The following HNRNPL variants were observed in gnomAD, a reference collection of about 807,000 sequenced individuals.
HNRNPL encodes the protein heterogeneous nuclear ribonucleoprotein L.
A neutral mutation model predicts 64.0 loss-of-function variants in HNRNPL; 12 were observed. The observed-to-expected ratio is 0.19, with a 90% CI of 0.12 to 0.30. HNRNPL has a LOEUF of 0.30. Ranked by LOEUF, HNRNPL falls within the 10% of genes least tolerant of loss-of-function variation. The pLI, the probability that HNRNPL is intolerant of heterozygous loss-of-function variation, is 1.00. For synonymous variants in HNRNPL, 385 were observed against 313.0 expected, an observed-to-expected ratio of 1.23 and a Z score of -2.43; for missense variants, 484 against 797.4, an observed-to-expected ratio of 0.61 and a Z score of 4.73.
chr19:38,851,181 A>T (rs1028992392), upstream of HNRNPL: 8 of 152,474 alleles, frequency 5.2e-5, no homozygotes, highest in East Asian at 1.4e-3. Context: ...CCCCCTGCAC[A>T]GGGGAGGCGT....
At chr19:38,849,103 C>T (rs183783573) in intron 1 of HNRNPL, among the ~76,000 whole-genome samples, 15 of 152,386 alleles carry the variant, frequency 9.8e-5, no homozygotes, top group Admixed American at 5.2e-4. Context: ...GTGATGGTTT[C>T]AAGGCTTCGC....
intron 1 of HNRNPL, among the ~76,000 whole-genome samples, chr19:38,848,603 C>A (rs1242298723): frequency 6.6e-6 from 1 of 152,212 alleles, no homozygotes; most frequent in Non-Finnish European, 1.5e-5. Context: ...GAATTGGATT[C>A]TATTTCAGGA....
chr19:38,845,541 G>C, intron 4 of HNRNPL, 109 bp downstream of exon 4: 3 of 850,066 alleles, frequency 3.5e-6, no homozygotes, highest in African/African-American at 1.7e-5. Flanking sequence ...TCTGGCACAT[G>C]GCAGCCACTC....
chr19:38,840,717 C>A (rs891003922), intron 6 of HNRNPL, 158 bp from the exon 7 acceptor site: 2 of 654,040 alleles, frequency 3.1e-6, no homozygotes, highest in East Asian at 5.8e-5. Flanking sequence ...TGACCTACGG[C>A]GGGCATGAAG....
At chr19:38,849,386 G>C (rs1030205383) in intron 1 of HNRNPL, 7 of 317,604 alleles carry the variant, frequency 2.2e-5, no homozygotes, top group Non-Finnish European at 4.0e-5. Flanking sequence ...AAATGATAAA[G>C]GGGAAAAAAA....
chr19:38,838,609 G>A lies in HNRNPL; in HGVS notation c.1356-11C>T, dbSNP rs1568367214. The A allele has an allele frequency of 1.9e-6, 3 of 1,611,448 alleles. No individual in the cohort carries two copies. Among genetic ancestry groups the A allele is most frequent in the South Asian group, 1.1e-5 (1 of 90,886 alleles). ...GGCTGCTTGGAGACACTGCAGCAAGGAAGAAAGGGGAGCCTTTGTCATACC... is the reference window on the plus strand; with the variant it reads ...GGCTGCTTGGAGACACTGCAGCAAGAAAGAAAGGGGAGCCTTTGTCATACC... On this transcript the variant is annotated splice_polypyrimidine_tract_variant and intron_variant, in intron 9 of 12. Transcript: ENST00000221419.
At chr19:38,838,730 T>G (rs1479281354) in intron 9 of HNRNPL, 132 bp from the exon 10 acceptor site, 4 of 1,305,060 alleles carry the variant, frequency 3.1e-6, no homozygotes, top group Admixed American at 1.7e-5. Context: ...CAAGGCTGAC[T>G]CACTTTCTCC....
intron 4 of HNRNPL, chr19:38,845,381 ATAAG>A (rs1428172577): frequency 7.0e-6 from 3 of 429,692 alleles, no homozygotes; most frequent in African/African-American, 2.0e-5. Flanking sequence ...CAATAAATAA[ATAAG>A]TAAATAACAG....
At chr19:38,842,105 A>ATTTTTTT (rs10624642) in intron 6 of HNRNPL, 2 of 132,912 alleles carry the variant, frequency 1.5e-5, no homozygotes, top group African/African-American at 2.8e-5. Flanking sequence ...TGTGGTTAAA[A>ATTTTTTT]TTTTTTTTTT....
chr19:38,845,889 G>C lies in HNRNPL; in HGVS notation c.588C>G (p.Leu196=). The part of the protein sequence containing the change: ...DDSRSVNSVL[L]FTILNPIYSI... ...AATAAATGGGGTTCAGGATGGTAAA[G>C]AGAAGCACACTGTTCACGCTCCGGG... The change falls in exon 3 of 13, where the codon CTC becomes CTG. Residue 196 remains leucine, a synonymous_variant. Coordinates refer to ENST00000221419, the MANE Select transcript of HNRNPL (RefSeq NM_001533.3). 1 of 1,614,196 alleles carries C rather than the reference G, an allele frequency of 6.2e-7. No homozygotes were observed. Among genetic ancestry groups the C allele is most frequent in the South Asian group, 1.1e-5 (1 of 91,076 alleles).
chr19:38,849,060 C>A (rs187644686), intron 1 of HNRNPL, among the ~76,000 whole-genome samples: 2 of 152,310 alleles, frequency 1.3e-5, no homozygotes, highest in African/African-American at 4.8e-5. Flanking sequence ...ATCCTCGGTA[C>A]CCAGTGAATC....
Position 38,849,786 on chromosome 19 carries a change from G to C in HNRNPL, c.181C>G (p.Leu61Val). 1 of 1,407,954 alleles carries C rather than the reference G, an allele frequency of 7.1e-7. No homozygotes were observed. The highest frequency in any genetic ancestry group is 9.5e-7 in the Non-Finnish European group (1 of 1,052,810). The allele number at this position is 1,407,954 out of a possible 1,614,324, so 87.2% of individuals were successfully genotyped here. Residue 61 changes from leucine (L) to valine (V), a missense_variant, in exon 1 of 13, where the codon CTC becomes GTC. Leu to Val is a conservative substitution (Grantham distance 32). Transcript: ENST00000221419. ...TGGTCGCCGGCGTTGTCAGTCTTGA[G>C]CCGCTTAGGGGCCCGGCCGCCCTCA... ...GSEGGRAPKR[L>V]KTDNAGDQHG...
chr19:38,837,396 T>G lies in HNRNPL; in HGVS notation c.1699A>C (p.Met567Leu), dbSNP rs764751159. The G allele has an allele frequency of 8.1e-6, 13 of 1,614,016 alleles. No individual in the cohort carries two copies. The highest frequency in any genetic ancestry group is 1.1e-5 in the Non-Finnish European group (13 of 1,179,850). Residue 567 changes from methionine (M) to leucine (L), a missense_variant, in exon 12 of 13, where the codon ATG becomes CTG. Physicochemically the swap from Met to Leu is conservative, Grantham distance 15. Transcript: ENST00000221419. ...ETLGFLNHYQ[M>L]KNPNGPYPYT... ...CACAGATACTCACTTGGGTTTTTCA[T>G]CTGGTAATGGTTCAGGAAGCCCAGA...
In HNRNPL at chr19:38,840,150, C is replaced by T; in HGVS notation, c.1179G>A (p.Lys393=). 7.0e-7 allele frequency: 1 copy of T among 1,420,822 alleles called. No individual in the cohort carries two copies. The highest frequency in any genetic ancestry group is 3.4e-5 in the East Asian group (1 of 29,136). The allele number at this position is 1,420,822 out of a possible 1,614,324, so 88.0% of individuals were successfully genotyped here. ...VLMVYGLDQS[K]MNCDRVFNVF... is the part of the protein sequence containing the mutation. ...CATTGAAGACTCGGTCACAGTTCAT[C>T]TTAGATTGATCCAAGCCATAGACCA... is the stretch of plus-strand genomic sequence containing the variant. Residue 393 remains lysine (K), a synonymous_variant, in exon 8 of 13, where the codon AAG becomes AAA. Coordinates refer to ENST00000221419, the MANE Select transcript of HNRNPL (RefSeq NM_001533.3).
At chr19:38,837,054 C>T (rs757323977) in intron 12 of HNRNPL, 1 of 536,204 alleles carries the variant, frequency 1.9e-6, no homozygotes, top group Non-Finnish European at 3.3e-6. Context: ...GCAAGTTTTA[C>T]CTGCTGGATA....
At chr19:38,846,145 G>C in intron 2 of HNRNPL, 55 bp from the exon 3 acceptor site, 1 of 1,324,454 alleles carries the variant, frequency 7.6e-7, no homozygotes, top group Non-Finnish European at 1.1e-6. Flanking sequence ...ACAGGAGGAG[G>C]GTATCATTTG....
At chr19:38,842,485 G>A (rs976682730) in intron 6 of HNRNPL, among the ~76,000 whole-genome samples, 2 of 151,798 alleles carry the variant, frequency 1.3e-5, no homozygotes, top group African/African-American at 4.8e-5. Context: ...TTCTCTCTTT[G>A]TCTCTGTATG....
At chr19:38,841,451 C>A in intron 6 of HNRNPL, 1 of 393,946 alleles carries the variant, frequency 2.5e-6, no homozygotes, top group Admixed American at 2.9e-5. Flanking sequence ...GAACCCAGGT[C>A]TGGCTGACTC....
chr19:38,847,372 A>G lies in HNRNPL; in HGVS notation c.330T>C (p.Ile110=). The change falls in exon 2 of 13, where the codon ATT becomes ATC. Residue 110 remains isoleucine, a synonymous_variant. Transcript: ENST00000221419. ...ASPVVHIRGL[I]DGVVEADLVE... ...CAAGGTCTGCTTCCACCACACCGTC[A>G]ATCAGGCCCCTGATGTGGACAACTG... 6.4e-7 allele frequency: 1 copy of G among 1,573,028 alleles called. No homozygotes were observed. Among genetic ancestry groups the G allele is most frequent in the Non-Finnish European group, 8.6e-7 (1 of 1,157,922 alleles).
Sources: gnomAD v4.1 joint callset for allele counts (sites outside exome capture counted in the v4.1 genomes callset) on GRCh38, gnomAD v4.1.1 for gene constraint, MANE v1.5 for transcripts, NCBI Gene and HGNC (gene_info 2026-07-23, HGNC 2026-07-21) for gene names.